The following ATOH8 variants were observed in gnomAD, a reference collection of about 807,000 sequenced individuals.
ATOH8 encodes the protein atonal bHLH transcription factor 8.
Under a neutral mutation model 21.2 loss-of-function variants are expected in ATOH8, and 9 were observed. The observed-to-expected ratio is 0.42, with a 90% confidence interval of 0.26 to 0.74. ATOH8 has a LOEUF of 0.74. Among genes scored for constraint, ATOH8 ranks in the 30% least tolerant of loss-of-function variants. ATOH8 has a pLI of 0.24. For missense variants in ATOH8, 524 were observed against 470.9 expected (o/e 1.11, Z -1.04); for synonymous variants, 253 against 224.0 (o/e 1.13, Z -1.16).
chr2:85,761,115 G>A (rs779982246), intron 1 of ATOH8, among the ~76,000 whole-genome samples: 37 of 152,290 alleles, frequency 2.4e-4, no homozygotes, highest in South Asian at 6.2e-4. Flanking sequence ...GGGTCGGGGA[G>A]AAGGAGAGGG....
Position 85,754,835 on chromosome 2 carries a change from G to A in ATOH8, c.646G>A (p.Glu216Lys), listed in dbSNP as rs967865255. The part of the protein sequence containing the change: ...SSASPRKRPG[E>K]ATAASSEIKA... ...CGCGTCGCCTAGGAAACGACCGGGC[G>A]AAGCGACTGCCGCCTCCTCCGAGAT... Residue 216 changes from glutamate to lysine, a missense_variant, in exon 1 of 3, where the codon GAA becomes AAA. Coordinates refer to ENST00000306279, the MANE Select transcript of ATOH8 (RefSeq NM_032827.7). 4.3e-6 allele frequency: 7 copies of A among 1,612,510 alleles called. No individual in the cohort carries two copies. The highest frequency in any genetic ancestry group is 5.1e-6 in the Non-Finnish European group (6 of 1,179,916).
intron 1 of ATOH8, among the ~76,000 whole-genome samples, chr2:85,762,869 C>A (rs1679903204): frequency 6.6e-6 from 1 of 152,126 alleles, no homozygotes; most frequent in Admixed American, 6.5e-5. Flanking sequence ...TGCCCCCACT[C>A]CCCTGTCCCT....
chr2:85,755,633 C>T (rs1004502849), intron 1 of ATOH8, among the ~76,000 whole-genome samples: 1 of 152,218 alleles, frequency 6.6e-6, no homozygotes, highest in African/African-American at 2.4e-5. Context: ...TCTGGAGCAT[C>T]TTCAGAGCCT....
At chr2:85,779,929 TG>T (rs1680437966) in intron 2 of ATOH8, among the ~76,000 whole-genome samples, 1 of 152,078 alleles carries the variant, frequency 6.6e-6, no homozygotes, top group Non-Finnish European at 1.5e-5. Flanking sequence ...TGGAGGTGTG[TG>T]GGGTAGGTGA....
rs760406327 is a variant in ATOH8 at position 85,764,165 on chromosome 2, C to T, written c.943C>T (p.Arg315Cys). 22 of 1,614,020 alleles carry T rather than the reference C, an allele frequency of 1.4e-5. No homozygotes were observed. Among genetic ancestry groups the T allele is most frequent in the East Asian group, 1.3e-4 (6 of 44,892 alleles). ...CACCCGCACCCTGCAGGCCGAGGGA[C>T]GTGCCAAGAAGCGCAAGGTATGCAC... is the stretch of plus-strand genomic sequence containing the variant. ...RCTRTLQAEG[R>C]AKKRKE The change falls in exon 2 of 3, where the codon CGT becomes TGT. Residue 315 changes from arginine (R) to cysteine (C), a missense_variant. Transcript: ENST00000306279.
At chr2:85,781,588 G>A (rs1174162795) in intron 2 of ATOH8, among the ~76,000 whole-genome samples, 3 of 151,592 alleles carry the variant, frequency 2.0e-5, no homozygotes, top group African/African-American at 7.3e-5. Context: ...ATAAAGATGA[G>A]GAAACTGACC....
At chr2:85,774,599 C>T in intron 2 of ATOH8, 1 of 985,632 alleles carries the variant, frequency 1.0e-6, no homozygotes, top group East Asian at 1.1e-4. Context: ...GGCTGTCAGC[C>T]CCACCAGAGC....
intron 1 of ATOH8, among the ~76,000 whole-genome samples, chr2:85,755,217 C>T (rs1198918697): frequency 7.2e-5 from 11 of 152,244 alleles, no homozygotes; most frequent in Admixed American, 4.6e-4. Flanking sequence ...GCGCTTCTGA[C>T]TTCAGCCTCC....
chr2:85,786,777 G>T, intron 2 of ATOH8, 108 bp from the exon 3 acceptor site: 1 of 1,536,162 alleles, frequency 6.5e-7, no homozygotes. Context: ...CCTTCAAGGT[G>T]GGGGCCCCTC....
intron 1 of ATOH8, among the ~76,000 whole-genome samples, chr2:85,761,790 C>A (rs1036384866): frequency 6.6e-6 from 1 of 152,200 alleles, no homozygotes; most frequent in Non-Finnish European, 1.5e-5. Flanking sequence ...CCAGGACTAC[C>A]AGACCTTGTT....
intron 1 of ATOH8, among the ~76,000 whole-genome samples, chr2:85,761,395 C>T (rs1679868233): frequency 6.6e-6 from 1 of 152,170 alleles, no homozygotes; most frequent in Non-Finnish European, 1.5e-5. Context: ...TGGGTTTCTT[C>T]TTGTTAGATC....
Position 85,785,347 on chromosome 2 carries a change from C to T in ATOH8, c.961-1538C>T, listed in dbSNP as rs946034629. On this transcript the variant is annotated intron_variant, in intron 2 of 2. Transcript: ENST00000306279. This position sits in a 1 kb window ranked among gnomAD's most constrained non-coding sequence, Gnocchi z 4.1. ...AGACTCGGTAACACAAAGCAGATTCCTGCTGGGGCCAGCCATGCACAGTGG... is the reference window on the plus strand; with the variant it reads ...AGACTCGGTAACACAAAGCAGATTCTTGCTGGGGCCAGCCATGCACAGTGG... Among the ~76,000 whole-genome samples, 1 of 152,272 alleles carries T rather than the reference C, an allele frequency of 6.6e-6. No homozygotes were observed. The highest frequency in any genetic ancestry group is 2.4e-5 in the African/African-American group (1 of 41,474).
Position 85,785,308 on chromosome 2 carries a change from T to C in ATOH8, c.961-1577T>C, listed in dbSNP as rs1194142747. Among the ~76,000 whole-genome samples, 1 of 152,246 alleles carries C rather than the reference T, an allele frequency of 6.6e-6. No homozygotes were observed. Among genetic ancestry groups the C allele is most frequent in the Non-Finnish European group, 1.5e-5 (1 of 68,038 alleles). ...CCCCACGGGTTTCCTTTCCGCTTCT[T>C]AATCCTCCTCCTCAGACTCGGTAAC... On this transcript the variant is annotated intron_variant, in intron 2 of 2. Transcript: ENST00000306279. The surrounding 1 kb of genome is among the most constrained non-coding windows in gnomAD (Gnocchi z 4.1).
At chr2:85,783,917 G>A (rs1369075954) in intron 2 of ATOH8, among the ~76,000 whole-genome samples, 3 of 150,318 alleles carry the variant, frequency 2.0e-5, no homozygotes, top group Non-Finnish European at 4.4e-5. Context: ...TCTATCCCTC[G>A]GCCAGAGCTG....
intron 2 of ATOH8, among the ~76,000 whole-genome samples, chr2:85,780,714 A>G (rs1426105094): frequency 1.3e-5 from 2 of 152,120 alleles, no homozygotes; most frequent in Admixed American, 6.5e-5. Context: ...TTTTCTCCCC[A>G]TTCTTGGTCC....
At chr2:85,762,710 G>T (rs1679900257) in intron 1 of ATOH8, among the ~76,000 whole-genome samples, 1 of 152,168 alleles carries the variant, frequency 6.6e-6, no homozygotes, top group Non-Finnish European at 1.5e-5. Context: ...TGGGGTGACT[G>T]TTCATGCTTT....
chr2:85,773,114 C>T (rs935080412), intron 2 of ATOH8: 1 of 338,046 alleles, frequency 3.0e-6, no homozygotes. Flanking sequence ...TGCACACAGA[C>T]GAGAACAATG....
In ATOH8 at chr2:85,786,986, C is replaced by A; in HGVS notation, c.*96C>A. The A allele has an allele frequency of 6.5e-7, 1 of 1,539,450 alleles. No individual in the cohort carries two copies. Among genetic ancestry groups the A allele is most frequent in the South Asian group, 1.1e-5 (1 of 88,068 alleles). On this transcript the variant is annotated 3_prime_UTR_variant, in exon 3 of 3. Coordinates refer to ENST00000306279, the MANE Select transcript of ATOH8 (RefSeq NM_032827.7). ...TCGCTGAGTCCAGCCTCGTGGTCTT[C>A]TCCAAGATGCCGCCAGATGCCCAGC...
At position 85,787,726 on chromosome 2, in the gene ATOH8, C is replaced by G. The variant is rs1680659878; in HGVS notation, c.*836C>G. The G allele has an allele frequency of 6.5e-6, 1 of 153,016 alleles. No homozygotes were observed. Among genetic ancestry groups the G allele is most frequent in the Admixed American group, 6.5e-5 (1 of 15,294 alleles). 9.5% of individuals were successfully genotyped at this position (153,016 alleles called of 1,614,324 possible). On this transcript the variant is annotated 3_prime_UTR_variant, in exon 3 of 3. Transcript: ENST00000306279. ...GTGACCCACCCCCATGGGCCCCCGTCCCAGGCAGCCAGCACCATGGGCAGG... is the reference window on the plus strand; with the variant it reads ...GTGACCCACCCCCATGGGCCCCCGTGCCAGGCAGCCAGCACCATGGGCAGG...
Sources: gnomAD v4.1 joint callset for allele counts (sites outside exome capture counted in the v4.1 genomes callset) on GRCh38, gnomAD v4.1.1 for gene constraint, Gnocchi (gnomAD v3.1) non-coding constraint, MANE v1.5 for transcripts, NCBI Gene and HGNC (gene_info 2026-07-23, HGNC 2026-07-21) for gene names.